Variants in ANK2 observed in about 807,000 individuals in gnomAD.
ANK2 encodes the protein ankyrin 2.
In ANK2, 83 loss-of-function variants were observed where a neutral mutation model predicts 360.5. The ratio of observed to expected loss-of-function variants is 0.23; its 90% CI spans 0.19 to 0.28. The LOEUF is 0.28. Ranked by LOEUF, ANK2 falls within the 10% of genes least tolerant of loss-of-function variation. The pLI, the probability that ANK2 is intolerant of heterozygous loss-of-function variation, is 1.00. For synonymous variants in ANK2, 1,740 were observed against 1,759.5 expected (o/e 0.99, Z 0.28); for missense variants, 4,201 against 4,795.7 (o/e 0.88, Z 3.66).
Position 113,049,963 on chromosome 4 carries a change from G to A in ANK2, c.84+151G>A, listed in dbSNP as rs146384197. 209 of 967,368 alleles carry A rather than the reference G, an allele frequency of 2.2e-4. No individual in the cohort carries two copies. The African/African-American group carries it at 3.1e-3, about 14-fold the overall frequency. 59.9% of individuals were successfully genotyped at this position (967,368 alleles called of 1,614,324 possible). On this transcript the variant is annotated intron_variant, in intron 1 of 45. Coordinates refer to ENST00000357077, the MANE Select transcript of ANK2 (RefSeq NM_001148.6). ...CAAGCCTTGCTTTTTAAAGAGGCAG[G>A]TGCAAACTGCTGCTTTTTGAGAATA...
chr4:113,217,056 C>G (rs2099093105), intron 4 of ANK2: 1 of 152,076 alleles, frequency 6.6e-6, no homozygotes, highest in African/African-American at 2.4e-5. Context: ...GAAAACTTAC[C>G]TTCATTTAAT....
chr4:113,301,704 T>A lies in ANK2; in HGVS notation c.2476-1063T>A, dbSNP rs2075115147. On this transcript the variant is annotated intron_variant, in intron 22 of 45. Coordinates refer to ENST00000357077, the MANE Select transcript of ANK2 (RefSeq NM_001148.6). ...TCTGTGCTTCTGTGAGTTTTTTAGA[T>A]TCCACATATAAGTGAGATTATGCAG... is the stretch of plus-strand genomic sequence containing the variant. 3.3e-5 allele frequency among the ~76,000 whole-genome samples: 5 copies of A among 152,282 alleles called. No homozygotes were observed. In the South Asian group the frequency reaches 1.0e-3, roughly 32 times the overall value.
intron 2 of ANK2, among the ~76,000 whole-genome samples, chr4:112,911,884 G>A (rs975521335): frequency 2.6e-5 from 4 of 152,116 alleles, no homozygotes; most frequent in African/African-American, 9.7e-5. Flanking sequence ...TTGTTGTTAA[G>A]AAACTGATGT....
intron 1 of ANK2, among the ~76,000 whole-genome samples, chr4:113,110,167 G>A (rs1011026146): frequency 5.6e-4 from 86 of 152,282 alleles, no homozygotes; most frequent in African/African-American, 2.1e-3. Context: ...GGTGGAAGGC[G>A]AAGGAGGAGC....
chr4:112,728,684 T>C, the ANK2 span, among the ~76,000 whole-genome samples: 3 of 151,350 alleles, frequency 2.0e-5, no homozygotes, highest in African/African-American at 7.3e-5. Context: ...CCCCGGGGAG[T>C]TGAGGCTGCA....
the ANK2 span, among the ~76,000 whole-genome samples, chr4:112,744,239 T>C: frequency 1.3e-5 from 2 of 152,192 alleles, no homozygotes; most frequent in Non-Finnish European, 2.9e-5. Context: ...ATAGCTCACA[T>C]AGATAAACTT....
chr4:113,019,521 T>C (rs1198763659), intron 2 of ANK2, among the ~76,000 whole-genome samples: 3 of 152,202 alleles, frequency 2.0e-5, no homozygotes. Flanking sequence ...ACTATTTTTC[T>C]TGGTTTGTAT....
chr4:112,827,477 G>A (rs1036976670), intron 1 of ANK2: 15 of 1,347,874 alleles, frequency 1.1e-5, no homozygotes, highest in Non-Finnish European at 1.5e-5. Context: ...GGGACATCCA[G>A]CCTGACAGTC....
At chr4:113,172,375 A>G (rs919379710) in intron 1 of ANK2, among the ~76,000 whole-genome samples, 2 of 152,250 alleles carry the variant, frequency 1.3e-5, no homozygotes, top group African/African-American at 4.8e-5. Context: ...GTGGGATAGG[A>G]TAGCAGATAA....
At position 113,004,951 on chromosome 4, in the gene ANK2, C is replaced by T. The variant is rs555644650; in HGVS notation, c.21+100437C>T. 1.1e-4 allele frequency among the ~76,000 whole-genome samples: 16 copies of T among 152,168 alleles called. No individual in the cohort carries two copies. In the South Asian group the frequency reaches 2.7e-3, roughly 26 times the overall value. On this transcript the variant is annotated intron_variant, in intron 2 of 30. Coordinates refer to the ANK2 transcript ENST00000503271. ...GGCGCATGACTGTATTTTAATAAGCCGTAAGAGAATCTTTTTATAACCTTG... is the reference window on the plus strand; with the variant it reads ...GGCGCATGACTGTATTTTAATAAGCTGTAAGAGAATCTTTTTATAACCTTG...
intron 1 of ANK2, among the ~76,000 whole-genome samples, chr4:113,133,769 GA>G (rs1158424572): frequency 6.6e-6 from 1 of 152,092 alleles, no homozygotes; most frequent in African/African-American, 2.4e-5. Flanking sequence ...CCATGAGGTA[GA>G]AATGATTATA....
At chr4:112,892,459 AC>A (rs2080334035) in intron 1 of ANK2, among the ~76,000 whole-genome samples, 1 of 152,232 alleles carries the variant, frequency 6.6e-6, no homozygotes, top group Non-Finnish European at 1.5e-5. Flanking sequence ...CATGTATATA[AC>A]ATCCTGCTTA....
chr4:112,820,390 G>C (rs1480147637), intron 1 of ANK2, among the ~76,000 whole-genome samples: 1 of 152,200 alleles, frequency 6.6e-6, no homozygotes, highest in Non-Finnish European at 1.5e-5. Flanking sequence ...ATGAGTGACA[G>C]AGTTGGGACT....
At chr4:112,935,843 AAAACAAACAAAC>A (rs59674042) in intron 2 of ANK2, among the ~76,000 whole-genome samples, 6 of 150,870 alleles carry the variant, frequency 4.0e-5, no homozygotes, top group Non-Finnish European at 7.4e-5. Flanking sequence ...ACCTTGTCTC[AAAACAAACAAAC>A]AAACAAACAA....
chr4:113,009,790 G>T (rs1473823444), intron 2 of ANK2, among the ~76,000 whole-genome samples: 1 of 152,070 alleles, frequency 6.6e-6, no homozygotes, highest in African/African-American at 2.4e-5. Flanking sequence ...AATCAAGTTT[G>T]GAAATACTCA....
rs10003676 is a variant in ANK2, at chr4:113,023,873, A to G, written c.21+119359A>G. Reference sequence around the variant, plus strand: ...TTTGATTTAATCGTATGTATTTAAAACCCTTTCTGTAGAAGACATGCACAG... The same window carrying G: ...TTTGATTTAATCGTATGTATTTAAAGCCCTTTCTGTAGAAGACATGCACAG... On this transcript the variant is annotated intron_variant, in intron 2 of 30. Transcript: ENST00000503271. 9.3e-3 allele frequency among the ~76,000 whole-genome samples: 1,415 copies of G among 152,312 alleles called. 24 individuals are homozygous for G. Among genetic ancestry groups the G allele is most frequent in the African/African-American group, 0.032 (1,340 of 41,556 alleles).
chr4:113,159,511 A>G (rs1272040694), intron 1 of ANK2, among the ~76,000 whole-genome samples: 1 of 152,126 alleles, frequency 6.6e-6, no homozygotes, highest in Non-Finnish European at 1.5e-5. Context: ...TTGCCCTTTC[A>G]TGGATAATTT....
chr4:112,741,807 G>A, the ANK2 span, among the ~76,000 whole-genome samples: 4 of 151,834 alleles, frequency 2.6e-5, no homozygotes, highest in African/African-American at 7.3e-5. Flanking sequence ...ATAGTGATAC[G>A]CCGTTTCTTA....
the ANK2 span, among the ~76,000 whole-genome samples, chr4:112,746,279 T>G: frequency 6.6e-6 from 1 of 152,184 alleles, no homozygotes; most frequent in Non-Finnish European, 1.5e-5. Context: ...ATATGTTTAA[T>G]TTCTATTAAA....
Sources: gnomAD v4.1 joint callset for allele counts (sites outside exome capture counted in the v4.1 genomes callset) on GRCh38, gnomAD v4.1.1 for gene constraint, MANE v1.5 for transcripts, NCBI Gene and HGNC (gene_info 2026-07-23, HGNC 2026-07-21) for gene names.